NCOR1: variants seen among roughly 807,000 people sequenced by gnomAD.
The protein encoded by NCOR1 is protein phosphatase 1, regulatory subunit 109.
NCOR1 carries 63 observed loss-of-function variants against 288.1 expected under a neutral mutation model. That is an observed-to-expected ratio of 0.22 (90% CI 0.18 to 0.27). NCOR1 has a LOEUF of 0.27. Among genes scored for constraint, NCOR1 ranks in the 10% least tolerant of loss-of-function variants. The pLI, the probability that NCOR1 is intolerant of heterozygous loss-of-function variation, is 1.00. For synonymous variants in NCOR1, 1,007 were observed against 1,065.9 expected (o/e 0.94, Z 1.08); for missense variants, 2,397 against 3,019.2 (o/e 0.79, Z 4.83).
intron 42 of NCOR1, among the ~76,000 whole-genome samples, chr17:16,043,513 T>G (rs879778145): frequency 8.5e-5 from 13 of 152,244 alleles, no homozygotes; most frequent in Admixed American, 8.5e-4. Flanking sequence ...CTTCAGAGAA[T>G]AGAGACCATG....
chr17:16,186,276 T>C (rs565421158), intron 3 of NCOR1, among the ~76,000 whole-genome samples: 4 of 152,264 alleles, frequency 2.6e-5, no homozygotes, highest in East Asian at 1.9e-4. Flanking sequence ...CCCAAGGGGT[T>C]CTAATGTGCA....
intron 3 of NCOR1, among the ~76,000 whole-genome samples, chr17:16,183,217 A>T (rs1279191213): frequency 6.7e-6 from 1 of 148,616 alleles, no homozygotes; most frequent in Non-Finnish European, 1.5e-5. Flanking sequence ...AAGTACTAGC[A>T]AGAGCAATCA....
intron 14 of NCOR1, among the ~76,000 whole-genome samples, chr17:16,135,158 CAAAAAAA>C (rs577308243): frequency 8.4e-5 from 3 of 35,890 alleles, no homozygotes; most frequent in South Asian, 2.0e-3. Flanking sequence ...GACTCCATCT[CAAAAAAA>C]AAAAAAAAAA....
At position 16,032,014 on chromosome 17, in the gene NCOR1, AG is replaced by A. The variant is rs1972096778; in HGVS notation, c.*281del. Reference sequence around the variant, plus strand: ...CATTATGGTTTTCTTTACAGATGTAAGAACAGCAACTGTTCACTTTTTAAAA... The same window carrying A: ...CATTATGGTTTTCTTTACAGATGTAAAACAGCAACTGTTCACTTTTTAAAA... On this transcript the variant is annotated 3_prime_UTR_variant, in exon 46 of 46. Coordinates refer to ENST00000268712, the MANE Select transcript of NCOR1 (RefSeq NM_006311.4). 2.5e-6 allele frequency: 1 copy of A among 396,976 alleles called. No individual in the cohort carries two copies. The highest frequency in any genetic ancestry group is 4.7e-5 in the Admixed American group (1 of 21,332). 24.6% of individuals were successfully genotyped at this position (396,976 alleles called of 1,614,324 possible). A position where few individuals can be genotyped will look rare whatever the true frequency, so the allele number is the denominator to read the frequency against.
intron 4 of NCOR1, among the ~76,000 whole-genome samples, chr17:16,168,453 G>A (rs1012850871): frequency 8.6e-5 from 13 of 151,542 alleles, no homozygotes; most frequent in East Asian, 2.0e-4. Context: ...CGCCCGCCTC[G>A]GCCTCCCAAA....
chr17:16,073,174 C>T (rs2061968540), intron 28 of NCOR1, among the ~76,000 whole-genome samples: 1 of 152,192 alleles, frequency 6.6e-6, no homozygotes, highest in South Asian at 2.1e-4. Context: ...TATGAACATT[C>T]TAATAGTAAC....
intron 40 of NCOR1, among the ~76,000 whole-genome samples, chr17:16,055,234 C>T (rs2059780929): frequency 1.3e-5 from 2 of 152,220 alleles, no homozygotes; most frequent in African/African-American, 4.8e-5. Context: ...TGTATGTTCA[C>T]TGTAGCACTA....
chr17:16,212,094 G>A (rs1240303776), intron 1 of NCOR1, among the ~76,000 whole-genome samples: 2 of 151,746 alleles, frequency 1.3e-5, no homozygotes, highest in Non-Finnish European at 2.9e-5. Context: ...TGACCAACAC[G>A]TCTCTACTAA....
At chr17:16,146,853 TTA>T (rs1035484394) in intron 9 of NCOR1, among the ~76,000 whole-genome samples, 10 of 152,308 alleles carry the variant, frequency 6.6e-5, no homozygotes, top group Non-Finnish European at 1.2e-4. Context: ...GCTTAAAACA[TTA>T]TGTCATTGTT....
intron 5 of NCOR1, among the ~76,000 whole-genome samples, chr17:16,161,451 C>A (rs1035849666): frequency 1.2e-4 from 18 of 152,096 alleles, no homozygotes; most frequent in African/African-American, 4.3e-4. Flanking sequence ...CCCGCCACCA[C>A]ACTCAGCTAA....
rs1255950218 is a variant in NCOR1 at position 16,073,529 on chromosome 17, T to A, written c.3711A>T (p.Thr1237=). The change falls in exon 28 of 46, where the codon ACA becomes ACT. Residue 1237 remains threonine, a synonymous_variant. Coordinates refer to ENST00000268712, the MANE Select transcript of NCOR1 (RefSeq NM_006311.4). ...NAREGTRSPR[T]AHEISLKRSY... ...TTCTCTTTAAACTGATTTCATGAGC[T>A]GTTCTTGGACTCCTAGTCCCTTCTC... 2 of 1,611,910 alleles carry A rather than the reference T, an allele frequency of 1.2e-6. No homozygotes were observed. Among genetic ancestry groups the A allele is most frequent in the East Asian group, 4.5e-5 (2 of 44,704 alleles).
intron 31 of NCOR1, 189 bp from the exon 32 acceptor site, chr17:16,068,310 TA>T: frequency 1.7e-6 from 1 of 579,574 alleles, no homozygotes; most frequent in East Asian, 3.0e-5. Flanking sequence ...AAACAACTAG[TA>T]GAAACTGAGA....
At chr17:16,113,699 C>T (rs1162500488) in intron 18 of NCOR1, among the ~76,000 whole-genome samples, 1 of 152,082 alleles carries the variant, frequency 6.6e-6, no homozygotes, top group East Asian at 1.9e-4. Flanking sequence ...TGAAGACCAG[C>T]CTGACCAACA....
intron 10 of NCOR1, among the ~76,000 whole-genome samples, chr17:16,144,254 G>A (rs1045754892): frequency 5.9e-5 from 9 of 152,252 alleles, no homozygotes; most frequent in Non-Finnish European, 7.4e-5. Flanking sequence ...TGTTGGTAAC[G>A]AAGGACTAAA....
At chr17:16,183,135 C>G (rs760283166) in intron 3 of NCOR1, among the ~76,000 whole-genome samples, 2 of 148,714 alleles carry the variant, frequency 1.3e-5, no homozygotes, top group African/African-American at 5.0e-5. Flanking sequence ...AGGTAAGGAT[C>G]GGATCCTTTT....
intron 9 of NCOR1, among the ~76,000 whole-genome samples, chr17:16,147,966 C>T (rs375420587): frequency 1.3e-5 from 2 of 152,164 alleles, no homozygotes; most frequent in East Asian, 1.9e-4. Context: ...TACAAGCATG[C>T]GCCACCACGC....
chr17:16,092,664 TA>T (rs1567956701), intron 21 of NCOR1, among the ~76,000 whole-genome samples: 679 of 13,328 alleles, frequency 0.051, 79 homozygotes, highest in African/African-American at 0.14. Context: ...TATATATATA[TA>T]TATATATATA....
intron 21 of NCOR1, among the ~76,000 whole-genome samples, chr17:16,092,687 ATATATATATTTTTTTTT>A (rs1396727562): frequency 1.7e-4 from 2 of 11,552 alleles, no homozygotes; most frequent in East Asian, 3.8e-3. Context: ...ATATATATAT[ATATATATATTTTTTTTT>A]TTTTTTTTTT....
intron 3 of NCOR1, among the ~76,000 whole-genome samples, chr17:16,175,196 G>C (rs79606155): frequency 6.6e-6 from 1 of 151,940 alleles, no homozygotes; most frequent in Non-Finnish European, 1.5e-5. Flanking sequence ...GTGAAAGCCC[G>C]TCTCTACAAA....
Sources: gnomAD v4.1 joint callset for allele counts (sites outside exome capture counted in the v4.1 genomes callset) on GRCh38, gnomAD v4.1.1 for gene constraint, MANE v1.5 for transcripts, NCBI Gene and HGNC (gene_info 2026-07-23, HGNC 2026-07-21) for gene names.